Variants in MRPS35 observed in about 807,000 individuals in gnomAD.
MRPS35 encodes the protein mitochondrial ribosomal protein S35.
A neutral mutation model predicts 32.7 loss-of-function variants in MRPS35; 29 were observed. The observed-to-expected ratio is 0.89, with a 90% confidence interval of 0.66 to 1.21. MRPS35 has a LOEUF of 1.21. Among genes scored for constraint, MRPS35 ranks in the 50% most tolerant of loss-of-function variants. MRPS35 has a pLI of 0.00. For missense variants in MRPS35, 373 were observed against 383.8 expected, an observed-to-expected ratio of 0.97 and a Z score of 0.23; for synonymous variants, 148 against 139.3, an observed-to-expected ratio of 1.06 and a Z score of -0.44.
intron 3 of MRPS35, among the ~76,000 whole-genome samples, chr12:27,717,451 G>A (rs538448718): frequency 6.6e-6 from 1 of 152,264 alleles, no homozygotes; most frequent in African/African-American, 2.4e-5. Context: ...AAATATAAAT[G>A]CTTAGTCTGG....
chr12:27,712,296 G>C (rs2061830093), intron 1 of MRPS35, among the ~76,000 whole-genome samples: 1 of 152,210 alleles, frequency 6.6e-6, no homozygotes, highest in Non-Finnish European at 1.5e-5. Flanking sequence ...GGTAGTATAA[G>C]ACGTCAGAGA....
At chr12:27,737,638 G>A (rs1247494863) in intron 7 of MRPS35, 30 bp downstream of exon 7, 1 of 1,539,668 alleles carries the variant, frequency 6.5e-7, no homozygotes. Flanking sequence ...TAATGATTTT[G>A]TCATTGTAAT....
Position 27,713,295 on chromosome 12 carries a change from C to T in MRPS35, c.113-1485C>T, listed in dbSNP as rs150098242. 1.4e-4 allele frequency among the ~76,000 whole-genome samples: 21 copies of T among 152,184 alleles called. No individual in the cohort carries two copies. In the East Asian group the frequency reaches 3.5e-3, roughly 25 times the overall value. On this transcript the variant is annotated intron_variant, in intron 1 of 7. Coordinates refer to ENST00000081029, the MANE Select transcript of MRPS35 (RefSeq NM_021821.4). ...ATTAGAGTTTTCCAGAGAGACAGAA[C>T]GTAGATGTAGGATAGGATAGATGTA...
At chr12:27,735,292 T>A (rs548872186) in intron 5 of MRPS35, among the ~76,000 whole-genome samples, 155 bp from the exon 6 acceptor site, 8 of 152,334 alleles carry the variant, frequency 5.3e-5, no homozygotes, top group Non-Finnish European at 5.9e-5. Flanking sequence ...AGATCAGGGT[T>A]TATAATATGT....
At chr12:27,719,315 A>C (rs906722255) in intron 3 of MRPS35, among the ~76,000 whole-genome samples, 2 of 152,210 alleles carry the variant, frequency 1.3e-5, no homozygotes, top group Non-Finnish European at 2.9e-5. Flanking sequence ...TGCTGAATCT[A>C]TATTTTAAGA....
At chr12:27,746,968 TAG>T (rs1308031704) in intron 7 of MRPS35, among the ~76,000 whole-genome samples, 2 of 152,206 alleles carry the variant, frequency 1.3e-5, no homozygotes, top group Non-Finnish European at 2.9e-5. Context: ...ATATTACTGT[TAG>T]AGTAATTGTT....
intron 3 of MRPS35, among the ~76,000 whole-genome samples, chr12:27,717,841 G>T (rs1199127655): frequency 6.6e-6 from 1 of 152,246 alleles, no homozygotes; most frequent in East Asian, 1.9e-4. Flanking sequence ...TGTAGTAATG[G>T]TGTCATTGAA....
At position 27,710,836 on chromosome 12, in the gene MRPS35, T is replaced by C; in HGVS notation, c.-8T>C. 1 of 1,602,516 alleles carries C rather than the reference T, an allele frequency of 6.2e-7. No homozygotes were observed. The highest frequency in any genetic ancestry group is 1.3e-5 in the African/African-American group (1 of 74,950). On this transcript the variant is annotated 5_prime_UTR_variant, in exon 1 of 8. Coordinates refer to ENST00000081029, the MANE Select transcript of MRPS35 (RefSeq NM_021821.4). ...GCTTGTCCCCTCCGGCTTGCCGTCC[T>C]CGCAGCCATGGCGGCCGCCGCGCTC...
intron 7 of MRPS35, among the ~76,000 whole-genome samples, chr12:27,741,136 C>G (rs1273513171): frequency 6.6e-6 from 1 of 151,754 alleles, no homozygotes; most frequent in African/African-American, 2.4e-5. Context: ...CCACTGCACT[C>G]CAGTCTGGGC....
chr12:27,742,970 C>T (rs538667394), intron 7 of MRPS35, among the ~76,000 whole-genome samples: 2 of 152,158 alleles, frequency 1.3e-5, no homozygotes, highest in Non-Finnish European at 2.9e-5. Flanking sequence ...AGACGATCCT[C>T]TCACCTCAGC....
rs567792281 is a variant in MRPS35, at chr12:27,724,290, G to T, written c.522+104G>T. The T allele has an allele frequency of 8.2e-6, 9 of 1,092,594 alleles. No homozygotes were observed. In the East Asian group the frequency reaches 2.5e-4, roughly 30 times the overall value. 67.7% of individuals were successfully genotyped at this position (1,092,594 alleles called of 1,614,324 possible). On this transcript the variant is annotated intron_variant, in intron 5 of 7. Coordinates refer to ENST00000081029, the MANE Select transcript of MRPS35 (RefSeq NM_021821.4). ...ACAGTGGCTCATGCCTGTAATCCCA[G>T]CACTTTGGGAGGCCAAGGTGGGAGA... is the stretch of plus-strand genomic sequence containing the variant.
Position 27,733,024 on chromosome 12 carries a change from A to ATC in MRPS35, c.523-2422_523-2421insCT, listed in dbSNP as rs1565468100. ...TATATATATATATATATATATATATATATATATATATATATATCCAGCACC... is the reference window on the plus strand; with the variant it reads ...TATATATATATATATATATATATATATCTATATATATATATATATCCAGCACC... On this transcript the variant is annotated intron_variant, in intron 5 of 7. Coordinates refer to ENST00000081029, the MANE Select transcript of MRPS35 (RefSeq NM_021821.4). 4.3e-4 allele frequency among the ~76,000 whole-genome samples: 13 copies of ATC among 29,964 alleles called. No individual in the cohort carries two copies. In the East Asian group the frequency reaches 0.012, roughly 27 times the overall value. 19.7% of individuals were successfully genotyped at this position (29,964 alleles called of 152,430 possible).
At chr12:27,741,926 T>G (rs1379641470) in intron 7 of MRPS35, among the ~76,000 whole-genome samples, 1 of 152,190 alleles carries the variant, frequency 6.6e-6, no homozygotes, top group Non-Finnish European at 1.5e-5. Flanking sequence ...GTCAGAACTA[T>G]GTCTAGCTTT....
At chr12:27,715,111 A>G (rs1265662236) in intron 2 of MRPS35, among the ~76,000 whole-genome samples, 1 of 152,198 alleles carries the variant, frequency 6.6e-6, no homozygotes, top group African/African-American at 2.4e-5. Context: ...GGACTTATGC[A>G]TTAATATAAC....
At chr12:27,749,224 A>G (rs1282978002) in intron 7 of MRPS35, among the ~76,000 whole-genome samples, 1 of 152,102 alleles carries the variant, frequency 6.6e-6, no homozygotes. Context: ...CTATATCAGA[A>G]TTCAATTCTG....
chr12:27,724,147 A>G lies in MRPS35; in HGVS notation c.483A>G (p.Pro161=), dbSNP rs149644658. The change falls in exon 5 of 8, where the codon CCA becomes CCG. Residue 161 remains proline (P), a synonymous_variant. Coordinates refer to ENST00000081029, the MANE Select transcript of MRPS35 (RefSeq NM_021821.4). ...GCACTGATTATGTTTCATCAGGACC[A>G]TCTGTTCGGAACCCCAGAGCACGAG... The part of the protein sequence containing the change: ...IDSTDYVSSG[P]SVRNPRARVV... 705 of 1,609,730 alleles carry G rather than the reference A, an allele frequency of 4.4e-4. 1 individual carries two copies. Among genetic ancestry groups the G allele is most frequent in the Non-Finnish European group, 5.4e-4 (637 of 1,178,630 alleles).
intron 4 of MRPS35, among the ~76,000 whole-genome samples, chr12:27,721,156 C>T (rs781472734): frequency 7.9e-5 from 12 of 152,028 alleles, no homozygotes; most frequent in Non-Finnish European, 1.3e-4. Context: ...TTTGAAAGGG[C>T]CTTCCGTTTA....
At chr12:27,731,351 A>G (rs1278768324) in intron 5 of MRPS35, among the ~76,000 whole-genome samples, 2 of 152,012 alleles carry the variant, frequency 1.3e-5, no homozygotes, top group African/African-American at 2.4e-5. Context: ...TAACTTTTAT[A>G]CTCTGTGTAG....
chr12:27,754,169 G>C (rs1445414898), intron 7 of MRPS35, among the ~76,000 whole-genome samples: 1 of 151,620 alleles, frequency 6.6e-6, no homozygotes, highest in Admixed American at 6.6e-5. Flanking sequence ...CAAGAGAATC[G>C]CTTGAATCCA....
Sources: gnomAD v4.1 joint callset for allele counts (sites outside exome capture counted in the v4.1 genomes callset) on GRCh38, gnomAD v4.1.1 for gene constraint, MANE v1.5 for transcripts, NCBI Gene and HGNC (gene_info 2026-07-23, HGNC 2026-07-21) for gene names.